Variants in RAPGEF2 observed in about 807,000 individuals in gnomAD.
The protein encoded by RAPGEF2 is Rap guanine nucleotide exchange factor 2, also known as PDZ domain containing guanine nucleotide exchange factor (GEF) 1.
RAPGEF2 carries 54 observed loss-of-function variants against 186.7 expected under a neutral mutation model. The ratio of observed to expected loss-of-function variants is 0.29; its 90% CI spans 0.23 to 0.36. The LOEUF is 0.36. Among genes scored for constraint, RAPGEF2 ranks in the 10% least tolerant of loss-of-function variants. The pLI, the probability that RAPGEF2 is intolerant of heterozygous loss-of-function variation, is 1.00. For missense variants in RAPGEF2, 1,532 were observed against 2,045.0 expected, an observed-to-expected ratio of 0.75 and a Z score of 4.84; for synonymous variants, 712 against 705.9, an observed-to-expected ratio of 1.01 and a Z score of -0.14.
At chr4:159,321,354 G>A (rs867288922) in intron 9 of RAPGEF2, among the ~76,000 whole-genome samples, 13 of 151,908 alleles carry the variant, frequency 8.6e-5, no homozygotes, top group Admixed American at 4.6e-4. Flanking sequence ...CTATAGGTAC[G>A]CACCACCACA....
chr4:159,284,631 T>C (rs576519443), intron 7 of RAPGEF2, among the ~76,000 whole-genome samples: 1 of 152,148 alleles, frequency 6.6e-6, no homozygotes, highest in Admixed American at 6.5e-5. Flanking sequence ...TTTTCCTGAA[T>C]TAAGGTGATA....
At chr4:159,285,002 A>G (rs1284003426) in intron 7 of RAPGEF2, among the ~76,000 whole-genome samples, 1 of 152,192 alleles carries the variant, frequency 6.6e-6, no homozygotes, top group Non-Finnish European at 1.5e-5. Context: ...GCAATGAGCC[A>G]TGTTCCATTC....
intron 7 of RAPGEF2, among the ~76,000 whole-genome samples, chr4:159,247,755 CTT>C (rs56053207): frequency 0.035 from 2,923 of 83,486 alleles, 62 homozygotes; most frequent in African/African-American, 0.11. Context: ...TAATTTGTTT[CTT>C]TTTTTTTTTT....
chr4:159,311,293 T>G (rs1354884194), intron 8 of RAPGEF2, among the ~76,000 whole-genome samples: 1 of 152,186 alleles, frequency 6.6e-6, no homozygotes, highest in Non-Finnish European at 1.5e-5. Flanking sequence ...TTGACCAGAA[T>G]GTATTTGTGC....
chr4:159,112,147 T>G (rs1331633696), intron 1 of RAPGEF2, among the ~76,000 whole-genome samples: 1 of 152,212 alleles, frequency 6.6e-6, no homozygotes, highest in East Asian at 1.9e-4. Flanking sequence ...TTGGTTAAAA[T>G]GAATTTCTGT....
At chr4:159,211,619 A>G (rs1252799032) in intron 4 of RAPGEF2, among the ~76,000 whole-genome samples, 1 of 152,234 alleles carries the variant, frequency 6.6e-6, no homozygotes, top group East Asian at 1.9e-4. Flanking sequence ...AGGAGAGGTA[A>G]TTTTGCACTG....
chr4:159,206,626 G>A (rs1579462244), intron 3 of RAPGEF2, among the ~76,000 whole-genome samples: 1 of 152,200 alleles, frequency 6.6e-6, no homozygotes, highest in Non-Finnish European at 1.5e-5. Context: ...GAAAGGAAGT[G>A]TTTGCAGACC....
chr4:159,182,385 TC>T (rs1167835689), intron 1 of RAPGEF2, among the ~76,000 whole-genome samples: 1,872 of 141,726 alleles, frequency 0.013, 36 homozygotes, highest in African/African-American at 0.048. Flanking sequence ...TTTCTTTTCT[TC>T]TTTTTTTTTT....
At chr4:159,249,448 A>G (rs1453377757) in intron 7 of RAPGEF2, among the ~76,000 whole-genome samples, 1 of 151,918 alleles carries the variant, frequency 6.6e-6, no homozygotes, top group Non-Finnish European at 1.5e-5. Context: ...ATGCAGTTTT[A>G]AAACATTATT....
chr4:159,322,505 T>C (rs778951122), intron 10 of RAPGEF2, 22 bp downstream of exon 10: 1 of 1,604,470 alleles, frequency 6.2e-7, no homozygotes, highest in Non-Finnish European at 8.5e-7. Context: ...TTCCTACCAC[T>C]TAAAAAGTTT....
At chr4:159,315,207 G>A (rs1265505254) in intron 9 of RAPGEF2, among the ~76,000 whole-genome samples, 1 of 152,130 alleles carries the variant, frequency 6.6e-6, no homozygotes, top group Non-Finnish European at 1.5e-5. Flanking sequence ...ACGCAAGTGG[G>A]TGGAAGGAGA....
intron 5 of RAPGEF2, among the ~76,000 whole-genome samples, chr4:159,240,059 A>C (rs947181032): frequency 2.0e-5 from 3 of 152,198 alleles, no homozygotes; most frequent in Non-Finnish European, 4.4e-5. Flanking sequence ...TAGGATTGGG[A>C]AGAATGTAGG....
chr4:159,214,981 G>A (rs1318274984), intron 4 of RAPGEF2, among the ~76,000 whole-genome samples: 1 of 152,130 alleles, frequency 6.6e-6, no homozygotes, highest in East Asian at 1.9e-4. Context: ...TTGTGCCTCG[G>A]CCTCCCAAGT....
intron 1 of RAPGEF2, among the ~76,000 whole-genome samples, chr4:159,176,384 C>T (rs1275672267): frequency 6.6e-6 from 1 of 152,020 alleles, no homozygotes; most frequent in Non-Finnish European, 1.5e-5. Flanking sequence ...GTTATTAGTC[C>T]CTCTCCTGCA....
chr4:159,319,416 C>G (rs894852529), intron 9 of RAPGEF2, among the ~76,000 whole-genome samples: 2 of 151,768 alleles, frequency 1.3e-5, no homozygotes, highest in Non-Finnish European at 2.9e-5. Flanking sequence ...CCAAAACTAT[C>G]CCCCCGCACC....
At chr4:159,234,538 A>T (rs1753005681) in intron 4 of RAPGEF2, among the ~76,000 whole-genome samples, 1 of 143,234 alleles carries the variant, frequency 7.0e-6, no homozygotes, top group African/African-American at 2.6e-5. Flanking sequence ...ACATGCCACC[A>T]TGCCCGGCTA....
In RAPGEF2 at chr4:159,104,002, G is replaced by GCCGCC. The variant is rs1737483160; in HGVS notation, c.-158_-154dup. ...GCTCTCGGCCGCCGGGCCCAGCCGA[G>GCCGCC]CCGCCCCCCCGCGGGCCCCGCGCCG... On this transcript the variant is annotated 5_prime_UTR_variant, in exon 1 of 30. Transcript: ENST00000691494. 1 of 171,210 alleles carries GCCGCC rather than the reference G, an allele frequency of 5.8e-6. No individual in the cohort carries two copies. Among genetic ancestry groups the GCCGCC allele is most frequent in the South Asian group, 1.7e-4 (1 of 6,004 alleles). The allele number at this position is 171,210 out of a possible 1,614,324, so 10.6% of individuals were successfully genotyped here. A position where few individuals can be genotyped will look rare whatever the true frequency, so the allele number is the denominator to read the frequency against.
At chr4:159,267,256 A>G in intron 7 of RAPGEF2, 1 of 1,289,388 alleles carries the variant, frequency 7.8e-7, no homozygotes. Context: ...TATCCAGGAA[A>G]TGGCTTTCCT....
intron 1 of RAPGEF2, among the ~76,000 whole-genome samples, chr4:159,175,726 T>A (rs576210013): frequency 1.6e-4 from 24 of 152,340 alleles, no homozygotes; most frequent in African/African-American, 5.5e-4. Flanking sequence ...CTTGTGGTTA[T>A]TTACAGAATT....
Sources: gnomAD v4.1 joint callset for allele counts (sites outside exome capture counted in the v4.1 genomes callset) on GRCh38, gnomAD v4.1.1 for gene constraint, MANE v1.5 for transcripts, NCBI Gene and HGNC (gene_info 2026-07-23, HGNC 2026-07-21) for gene names.